Variants in MTAP observed in about 807,000 individuals in gnomAD.
MTAP encodes methylthioadenosine phosphorylase, also known as S-methyl-5'-thioadenosine phosphorylase.
Under a neutral mutation model 33.6 loss-of-function variants are expected in MTAP, and 33 were observed. The ratio of observed to expected loss-of-function variants is 0.98; its 90% CI spans 0.74 to 1.31. MTAP has a LOEUF of 1.31. Among genes scored for constraint, MTAP ranks in the 40% most tolerant of loss-of-function variants. The pLI is 0.00. For synonymous variants in MTAP, 148 were observed against 125.7 expected (o/e 1.18, Z -1.19); for missense variants, 367 against 360.0 (o/e 1.02, Z -0.16).
intron 4 of MTAP, among the ~76,000 whole-genome samples, chr9:21,826,130 A>G (rs1342445782): frequency 2.6e-5 from 4 of 152,060 alleles, no homozygotes; most frequent in Non-Finnish European, 5.9e-5. Context: ...ATATACACAA[A>G]AGAATAATAA....
intron 1 of MTAP, among the ~76,000 whole-genome samples, chr9:21,917,182 T>C (rs1253828464): frequency 2.6e-5 from 4 of 152,212 alleles, no homozygotes; most frequent in African/African-American, 9.6e-5. Flanking sequence ...AAGAGTCCAG[T>C]TGTTAACTTT....
chr9:21,849,716 C>T (rs1393954724), intron 5 of MTAP, among the ~76,000 whole-genome samples: 1 of 152,214 alleles, frequency 6.6e-6, no homozygotes, highest in Admixed American at 6.5e-5. Context: ...GATGGTGATT[C>T]CTACCACATC....
rs1221704265 is a variant in MTAP, at chr9:21,862,131, A to G, written c.*117A>G. On this transcript the variant is annotated 3_prime_UTR_variant, in exon 8 of 8. Coordinates refer to ENST00000644715, the MANE Select transcript of MTAP (RefSeq NM_002451.4). Reference sequence around the variant, plus strand: ...TGCAGCTTTCATGCCCTTGCCTATCAAAGAGTATGTTGTAAGAAAGACAAG... The same window carrying G: ...TGCAGCTTTCATGCCCTTGCCTATCGAAGAGTATGTTGTAAGAAAGACAAG... 5.1e-6 allele frequency: 8 copies of G among 1,575,978 alleles called. No homozygotes were observed. Among genetic ancestry groups the G allele is most frequent in the Non-Finnish European group, 6.0e-6 (7 of 1,163,052 alleles).
intron 1 of MTAP, among the ~76,000 whole-genome samples, chr9:21,803,804 C>G (rs1352581563): frequency 6.6e-6 from 1 of 152,132 alleles, no homozygotes; most frequent in Non-Finnish European, 1.5e-5. Context: ...ATCTCGATTC[C>G]CTACACTCGA....
intron 4 of MTAP, among the ~76,000 whole-genome samples, chr9:21,829,692 C>T (rs770824844): frequency 1.3e-5 from 2 of 151,934 alleles, no homozygotes; most frequent in Non-Finnish European, 1.5e-5. Flanking sequence ...TTTAATAATA[C>T]GGCTATTCTT....
At chr9:21,855,238 G>A (rs1825612261) in intron 6 of MTAP, among the ~76,000 whole-genome samples, 2 of 152,280 alleles carry the variant, frequency 1.3e-5, no homozygotes, top group Admixed American at 6.5e-5. Context: ...CCTCATGAGA[G>A]GGCTGTATGT....
At chr9:21,918,409 A>C (rs371458150) in intron 1 of MTAP, among the ~76,000 whole-genome samples, 1,406 of 136,924 alleles carry the variant, frequency 0.01, 29 homozygotes, top group African/African-American at 0.036. Flanking sequence ...TCGATGGGGG[A>C]GGTTTGGAGG....
intron 6 of MTAP, among the ~76,000 whole-genome samples, chr9:21,856,495 T>A (rs1825646966): frequency 6.6e-6 from 1 of 152,174 alleles, no homozygotes; most frequent in Non-Finnish European, 1.5e-5. Flanking sequence ...CCTCGTAATG[T>A]CAAGAAGCTG....
intron 1 of MTAP, among the ~76,000 whole-genome samples, chr9:21,887,270 C>A (rs1419468429): frequency 6.6e-6 from 1 of 151,908 alleles, no homozygotes; most frequent in Non-Finnish European, 1.5e-5. Flanking sequence ...TCTCCCCCCA[C>A]CCCATAATAG....
chr9:21,909,829 AC>A (rs1426933967), intron 1 of MTAP, among the ~76,000 whole-genome samples: 1 of 152,144 alleles, frequency 6.6e-6, no homozygotes, highest in African/African-American at 2.4e-5. Context: ...TAATTTCCCC[AC>A]TTTATAGATG....
intron 1 of MTAP, among the ~76,000 whole-genome samples, chr9:21,814,840 A>G (rs560301908): frequency 6.6e-6 from 1 of 152,330 alleles, no homozygotes; most frequent in African/African-American, 2.4e-5. Context: ...GATTGTTTTC[A>G]TAAATGTATA....
Position 21,929,838 on chromosome 9 carries a change from T to C in MTAP, c.148-1170T>C, listed in dbSNP as rs901038041. The C allele has an allele frequency of 2.4e-4, 60 of 246,348 alleles. 1 individual carries two copies. Among genetic ancestry groups the C allele is most frequent in the Middle Eastern group, 1.7e-3 (2 of 1,162 alleles). 15.3% of individuals were successfully genotyped at this position (246,348 alleles called of 1,614,324 possible). A position where few individuals can be genotyped will look rare whatever the true frequency, so the allele number is the denominator to read the frequency against. On this transcript the variant is annotated intron_variant, in intron 1 of 1. Transcript: ENST00000577563. ...ATGGGAATAACCTCTATTTGTCTTATGGCCAAAAGAAAAAGATGGATTGGA... is the reference window on the plus strand; with the variant it reads ...ATGGGAATAACCTCTATTTGTCTTACGGCCAAAAGAAAAAGATGGATTGGA...
chr9:21,825,506 C>T (rs998203890), intron 4 of MTAP, among the ~76,000 whole-genome samples: 9 of 152,266 alleles, frequency 5.9e-5, no homozygotes, highest in Middle Eastern at 3.4e-3. Context: ...GTTTTTGTCA[C>T]ATCCTCATCA....
intron 1 of MTAP, among the ~76,000 whole-genome samples, chr9:21,885,124 C>T (rs1466964116): frequency 1.3e-5 from 2 of 152,062 alleles, no homozygotes; most frequent in Non-Finnish European, 2.9e-5. Flanking sequence ...ATTTTATGTG[C>T]TTTTCTGTCT....
At chr9:21,802,816 C>T in intron 1 of MTAP, 35 bp downstream of exon 1, 1 of 1,611,632 alleles carries the variant, frequency 6.2e-7, no homozygotes, top group Non-Finnish European at 8.5e-7. Flanking sequence ...GCGGTTCGCC[C>T]TGCCGGATGC....
intron 1 of MTAP, among the ~76,000 whole-genome samples, chr9:21,890,794 G>A (rs1196487813): frequency 6.6e-6 from 1 of 152,118 alleles, no homozygotes; most frequent in Non-Finnish European, 1.5e-5. Context: ...CCAGTTTTTT[G>A]GCTGTCTCAC....
At chr9:21,884,845 T>TC (rs987965743) in intron 1 of MTAP, among the ~76,000 whole-genome samples, 48 of 152,274 alleles carry the variant, frequency 3.2e-4, no homozygotes, top group African/African-American at 1.1e-3. Flanking sequence ...ATTGCATGAT[T>TC]CCCTTTATAT....
At chr9:21,912,221 C>G (rs1043083666) in intron 1 of MTAP, among the ~76,000 whole-genome samples, 3 of 152,188 alleles carry the variant, frequency 2.0e-5, no homozygotes, top group African/African-American at 7.2e-5. Flanking sequence ...GAGCTGGTAC[C>G]ATTCCTTCTG....
At chr9:21,858,506 A>C (rs988989892) in intron 6 of MTAP, among the ~76,000 whole-genome samples, 2 of 152,232 alleles carry the variant, frequency 1.3e-5, no homozygotes, top group African/African-American at 2.4e-5. Context: ...GGCATCTCAC[A>C]TGGTGGGAGC....
Sources: allele counts gnomAD v4.1 joint callset (sites outside exome capture counted in the v4.1 genomes callset), GRCh38; gene constraint gnomAD v4.1.1; transcripts MANE v1.5; gene names NCBI Gene and HGNC (gene_info 2026-07-23, HGNC 2026-07-21).